The following CERS6 variants were observed in gnomAD, a reference collection of about 807,000 sequenced individuals.
CERS6 encodes the protein LAG1 homolog, ceramide synthase 6.
A neutral mutation model predicts 56.8 loss-of-function variants in CERS6; 26 were observed. That is an observed-to-expected ratio of 0.46 (90% CI 0.34 to 0.63). CERS6 has a LOEUF of 0.63. Ranked by LOEUF, CERS6 falls within the 30% of genes least tolerant of loss-of-function variation. CERS6 has a pLI of 0.01. For synonymous variants in CERS6, 164 were observed against 173.3 expected (o/e 0.95, Z 0.42); for missense variants, 415 against 467.5 (o/e 0.89, Z 1.04).
At chr2:168,538,173 A>G (rs1303305973) in intron 1 of CERS6, among the ~76,000 whole-genome samples, 1 of 151,950 alleles carries the variant, frequency 6.6e-6, no homozygotes, top group Non-Finnish European at 1.5e-5. Flanking sequence ...CTCTTAGGAC[A>G]GAATAAATCA....
intron 3 of CERS6, among the ~76,000 whole-genome samples, chr2:168,590,472 G>A (rs1030679126): frequency 1.3e-5 from 2 of 152,110 alleles, no homozygotes; most frequent in Non-Finnish European, 2.9e-5. Context: ...TCAGGGACAT[G>A]ATATTCCTGT....
At chr2:168,462,507 A>G (rs1234820173) in intron 1 of CERS6, among the ~76,000 whole-genome samples, 1 of 152,062 alleles carries the variant, frequency 6.6e-6, no homozygotes, top group Non-Finnish European at 1.5e-5. Context: ...TGACATCTAT[A>G]CTGTAGCATG....
At chr2:168,550,984 C>T (rs1259466582) in intron 2 of CERS6, among the ~76,000 whole-genome samples, 3 of 152,168 alleles carry the variant, frequency 2.0e-5, no homozygotes, top group Non-Finnish European at 4.4e-5. Context: ...ACACATTTGG[C>T]GGAAGTGGTG....
At chr2:168,556,248 A>G (rs148997482) in intron 2 of CERS6, among the ~76,000 whole-genome samples, 108 of 152,292 alleles carry the variant, frequency 7.1e-4, no homozygotes, top group African/African-American at 2.3e-3. Context: ...TTTTGTTGTT[A>G]ATATTGATAA....
intron 4 of CERS6, among the ~76,000 whole-genome samples, chr2:168,639,980 T>A (rs1380858234): frequency 6.6e-6 from 1 of 152,230 alleles, no homozygotes; most frequent in Non-Finnish European, 1.5e-5. Flanking sequence ...CTAGTTATCT[T>A]GGAATGACTA....
chr2:168,704,157 A>G (rs985335157), intron 6 of CERS6, among the ~76,000 whole-genome samples: 4 of 152,322 alleles, frequency 2.6e-5, no homozygotes, highest in African/African-American at 9.6e-5. Context: ...TCTCATGGTC[A>G]GATAACCAGC....
intron 6 of CERS6, among the ~76,000 whole-genome samples, chr2:168,708,098 C>T (rs149483597): frequency 6.0e-4 from 91 of 152,244 alleles, no homozygotes; most frequent in Admixed American, 2.0e-3. Flanking sequence ...ATCATCAGGA[C>T]TTTACCCATC....
chr2:168,714,374 G>T (rs1687174868), intron 6 of CERS6, among the ~76,000 whole-genome samples: 1 of 152,180 alleles, frequency 6.6e-6, no homozygotes, highest in South Asian at 2.1e-4. Flanking sequence ...GCCATACGAT[G>T]CCCTTTTCCT....
chr2:168,679,500 A>G (rs1301930764), intron 4 of CERS6, among the ~76,000 whole-genome samples: 1 of 152,230 alleles, frequency 6.6e-6, no homozygotes, highest in East Asian at 1.9e-4. Flanking sequence ...AGATGTGTCT[A>G]TTAGGGGTTG....
At chr2:168,589,512 T>C (rs1021106552) in intron 3 of CERS6, among the ~76,000 whole-genome samples, 1 of 152,174 alleles carries the variant, frequency 6.6e-6, no homozygotes, top group African/African-American at 2.4e-5. Flanking sequence ...AATAAAGAAA[T>C]GTTTGTGAAA....
At chr2:168,559,894 G>A (rs970824325) in intron 2 of CERS6, among the ~76,000 whole-genome samples, 11 of 151,558 alleles carry the variant, frequency 7.3e-5, no homozygotes, top group African/African-American at 2.7e-4. Context: ...ATATAATAAA[G>A]GAATGGAGGT....
intron 3 of CERS6, among the ~76,000 whole-genome samples, chr2:168,562,714 T>A (rs1695813744): frequency 6.6e-6 from 1 of 152,156 alleles, no homozygotes; most frequent in Admixed American, 6.5e-5. Flanking sequence ...ATAGTCGGGT[T>A]TTATACTGAG....
At chr2:168,629,286 A>G (rs1323950777) in intron 3 of CERS6, among the ~76,000 whole-genome samples, 1 of 152,208 alleles carries the variant, frequency 6.6e-6, no homozygotes, top group Non-Finnish European at 1.5e-5. Context: ...AGGGTCTTAG[A>G]ACTGAAACAG....
intron 1 of CERS6, among the ~76,000 whole-genome samples, chr2:168,504,587 TGA>T (rs900702842): frequency 6.6e-6 from 1 of 152,082 alleles, no homozygotes; most frequent in Admixed American, 6.5e-5. Flanking sequence ...GAGGTGCCAC[TGA>T]GATCAATAGC....
chr2:168,726,666 A>G (rs1683363655), intron 8 of CERS6, among the ~76,000 whole-genome samples: 2 of 152,204 alleles, frequency 1.3e-5, no homozygotes, highest in Admixed American at 1.3e-4. Flanking sequence ...TACTCTACCT[A>G]CCTTACCAAA....
At chr2:168,676,446 T>C (rs575825537) in intron 4 of CERS6, among the ~76,000 whole-genome samples, 1 of 152,362 alleles carries the variant, frequency 6.6e-6, no homozygotes, top group East Asian at 1.9e-4. Context: ...AATGTTTTTA[T>C]TGATCCCCTC....
At chr2:168,760,766 A>ATTTATTTTTTTT (rs1224521892) in intron 8 of CERS6, among the ~76,000 whole-genome samples, 164 of 127,224 alleles carry the variant, frequency 1.3e-3, no homozygotes, top group African/African-American at 4.0e-3. Context: ...TTATTTATTT[A>ATTTATTTTTTTT]TTTTTTTGAG....
intron 1 of CERS6, among the ~76,000 whole-genome samples, chr2:168,495,884 C>T (rs1392891817): frequency 6.6e-6 from 1 of 152,208 alleles, no homozygotes; most frequent in Non-Finnish European, 1.5e-5. Context: ...CAAAATTCAA[C>T]AGGTACAAAA....
intron 1 of CERS6, among the ~76,000 whole-genome samples, chr2:168,521,475 T>C (rs762815370): frequency 1.3e-5 from 2 of 151,916 alleles, no homozygotes; most frequent in African/African-American, 2.4e-5. Context: ...TTTGAAAAAC[T>C]GGCCAAGTTC....
Sources: allele counts gnomAD v4.1 joint callset (sites outside exome capture counted in the v4.1 genomes callset), GRCh38; gene constraint gnomAD v4.1.1; transcripts MANE v1.5; gene names NCBI Gene and HGNC (gene_info 2026-07-23, HGNC 2026-07-21).